The following DSG3 variants were observed in gnomAD, a reference collection of about 807,000 sequenced individuals.
DSG3 encodes desmoglein-3.
A neutral mutation model predicts 85.9 loss-of-function variants in DSG3; 63 were observed. That is an observed-to-expected ratio of 0.73 (90% confidence interval 0.60 to 0.90). The LOEUF is 0.90. Ranked by LOEUF, DSG3 falls within the 40% of genes least tolerant of loss-of-function variation. The pLI is 0.00. For missense variants in DSG3, 1,220 were observed against 1,219.9 expected, an observed-to-expected ratio of 1.00 and a Z score of 0.00; for synonymous variants, 447 against 441.9, an observed-to-expected ratio of 1.01 and a Z score of -0.14.
intron 1 of DSG3, among the ~76,000 whole-genome samples, chr18:31,448,655 CAAA>C (rs56245514): frequency 4.6e-5 from 6 of 131,332 alleles, no homozygotes; most frequent in African/African-American, 8.2e-5. Context: ...GTTCTTATAG[CAAA>C]AAAAAAAAAA....
chr18:31,473,648 A>G (rs1163259671), intron 14 of DSG3, among the ~76,000 whole-genome samples: 1 of 152,250 alleles, frequency 6.6e-6, no homozygotes, highest in African/African-American at 2.4e-5. Context: ...CATAATGTCA[A>G]GGTAACAGGC....
chr18:31,466,813 A>G, intron 11 of DSG3, 59 bp downstream of exon 11: 1 of 1,461,092 alleles, frequency 6.8e-7, no homozygotes, highest in Non-Finnish European at 9.5e-7. Flanking sequence ...TTTCCAGAAG[A>G]ATAAGGAAGA....
At chr18:31,470,267 C>T (rs1456840213) in intron 12 of DSG3, among the ~76,000 whole-genome samples, 1 of 151,974 alleles carries the variant, frequency 6.6e-6, no homozygotes, top group African/African-American at 2.4e-5. Context: ...AATTTTAAAA[C>T]CACAAAAAGT....
rs752815998 is a variant in DSG3 at position 31,458,562 on chromosome 18, A to C, written c.334A>C (p.Thr112Pro). 6.2e-7 allele frequency: 1 copy of C among 1,613,944 alleles called. No homozygotes were observed. The highest frequency in any genetic ancestry group is 8.5e-7 in the Non-Finnish European group (1 of 1,179,964). The stretch of plus-strand genomic sequence containing the variant: ...CAAAAACACTGGAGATATTAACATA[A>C]CAGCTATAGTCGACCGGGAGGAAAC... ...VDKNTGDINI[T>P]AIVDREETPS... is the part of the protein sequence containing the mutation. The change falls in exon 4 of 16, where the codon ACA becomes CCA. Residue 112 changes from threonine to proline, a missense_variant. By Grantham distance (38) the Thr-to-Pro change is conservative. Coordinates refer to ENST00000257189, the MANE Select transcript of DSG3 (RefSeq NM_001944.3).
chr18:31,459,092 G>T lies in DSG3; in HGVS notation c.432G>T (p.Thr144=). 5 of 1,613,438 alleles carry T rather than the reference G, an allele frequency of 3.1e-6. No homozygotes were observed. Among genetic ancestry groups the T allele is most frequent in the Non-Finnish European group, 4.2e-6 (5 of 1,179,864 alleles). The change falls in exon 5 of 16, where the codon ACG becomes ACT. Residue 144 remains threonine (T), a synonymous_variant. Coordinates refer to ENST00000257189, the MANE Select transcript of DSG3 (RefSeq NM_001944.3). The part of the protein sequence containing the change: ...GLDVEKPLIL[T]VKILDINDNP... ...ATGTAGAGAAACCACTTATACTAAC[G>T]GTTAAAATTTTGGATATTAATGATA...
At chr18:31,464,689 T>C (rs1353973014) in intron 9 of DSG3, among the ~76,000 whole-genome samples, 4 of 152,194 alleles carry the variant, frequency 2.6e-5, no homozygotes, top group African/African-American at 9.7e-5. Flanking sequence ...GGAGTAGAAG[T>C]GCACCATGAG....
At chr18:31,453,930 T>A (rs560797402) in intron 1 of DSG3, among the ~76,000 whole-genome samples, 32 of 152,126 alleles carry the variant, frequency 2.1e-4, no homozygotes, top group African/African-American at 7.7e-4. Context: ...TGAAAATAGA[T>A]TTACAAATAA....
At chr18:31,473,213 CATCCTTG>C (rs2072866510) in intron 14 of DSG3, among the ~76,000 whole-genome samples, 1 of 152,184 alleles carries the variant, frequency 6.6e-6, no homozygotes, top group Non-Finnish European at 1.5e-5. Flanking sequence ...CTCATGTGCA[CATCCTTG>C]ATCCTGTTCC....
Position 31,466,567 on chromosome 18 carries a change from TAG to T in DSG3, c.1452_1453del (p.Arg484SerfsTer6), listed in dbSNP as rs776186962. On this transcript the variant is annotated frameshift_variant, in exon 11 of 16. Coordinates refer to ENST00000257189, the MANE Select transcript of DSG3 (RefSeq NM_001944.3). LOFTEE classifies it high-confidence loss of function. ...AAACTTCTACAGGCACGGTATATGT[TAG>T]AGTACCCGATTTCAATGACAATTGT... ...GKTSTGTVYV[R>X]VPDFNDNCPT... The T allele has an allele frequency of 6.2e-7, 1 of 1,613,884 alleles. No homozygotes were observed. Among genetic ancestry groups the T allele is most frequent in the Non-Finnish European group, 8.5e-7 (1 of 1,179,732 alleles).
At chr18:31,454,547 T>C (rs2072730050) in intron 1 of DSG3, among the ~76,000 whole-genome samples, 1 of 152,226 alleles carries the variant, frequency 6.6e-6, no homozygotes. Flanking sequence ...GGTTCAGACT[T>C]GGACTAGTCT....
At chr18:31,457,423 G>C (rs1004203686) in intron 3 of DSG3, among the ~76,000 whole-genome samples, 2 of 152,154 alleles carry the variant, frequency 1.3e-5, no homozygotes, top group Non-Finnish European at 2.9e-5. Flanking sequence ...AATAATGCAT[G>C]TATAAGACAG....
At chr18:31,471,775 G>T (rs2072857033) in intron 12 of DSG3, among the ~76,000 whole-genome samples, 1 of 152,092 alleles carries the variant, frequency 6.6e-6, no homozygotes, top group East Asian at 1.9e-4. Context: ...CATTGATTAG[G>T]CTATCACCCT....
intron 8 of DSG3, among the ~76,000 whole-genome samples, chr18:31,461,879 A>G (rs1379987105): frequency 6.6e-6 from 1 of 152,228 alleles, no homozygotes; most frequent in African/African-American, 2.4e-5. Context: ...TTCCTACAAA[A>G]TGGGAATTTA....
At chr18:31,466,869 G>A (rs2072824324) in intron 11 of DSG3, 115 bp downstream of exon 11, 1 of 858,008 alleles carries the variant, frequency 1.2e-6, no homozygotes, top group South Asian at 1.7e-5. Flanking sequence ...AAAATTCTTT[G>A]CAATGAAGAT....
intron 1 of DSG3, among the ~76,000 whole-genome samples, chr18:31,448,664 A>AAAG (rs531421143): frequency 2.2e-4 from 34 of 152,162 alleles, no homozygotes; most frequent in South Asian, 6.2e-4. Context: ...GCAAAAAAAA[A>AAAG]AAAAGAAAAG....
chr18:31,474,365 G>A lies in DSG3; in HGVS notation c.2346G>A (p.Gly782=), dbSNP rs775849949. The A allele has an allele frequency of 3.7e-6, 6 of 1,610,332 alleles. No homozygotes were observed. Among genetic ancestry groups the A allele is most frequent in the Admixed American group, 1.7e-5 (1 of 59,668 alleles). ...TGGTNKDYAD[G]AISMNFLDSY... The stretch of plus-strand genomic sequence containing the variant: ...GAACCAATAAGGACTACGCTGATGG[G>A]GCGATAAGCATGAATTTTCTGGACT... The change falls in exon 15 of 16, where the codon GGG becomes GGA. Residue 782 remains glycine (G), a synonymous_variant. Transcript: ENST00000257189.
At chr18:31,466,046 C>A (rs1228981097) in intron 10 of DSG3, among the ~76,000 whole-genome samples, 1 of 151,998 alleles carries the variant, frequency 6.6e-6, no homozygotes, top group Non-Finnish European at 1.5e-5. Context: ...ATAATGCCCC[C>A]ACAGAGAGAT....
Position 31,448,004 on chromosome 18 carries a change from A to G in DSG3, c.48+79A>G, listed in dbSNP as rs79962591. On this transcript the variant is annotated intron_variant, in intron 1 of 15. Transcript: ENST00000257189. ...AAAGAATATTATATTTGATTGCACAATCTTTATTATAAATTCTAAAAGGAG... is the reference window on the plus strand; with the variant it reads ...AAAGAATATTATATTTGATTGCACAGTCTTTATTATAAATTCTAAAAGGAG... The G allele has an allele frequency of 1.5e-3, 1,623 of 1,095,398 alleles. 18 individuals carry two copies. The African/African-American group carries it at 0.024, about 16-fold the overall frequency. 67.9% of individuals were successfully genotyped at this position (1,095,398 alleles called of 1,614,324 possible).
Position 31,460,060 on chromosome 18 carries a change from T to C in DSG3, c.684+49T>C, listed in dbSNP as rs753105294. ...CATTCAAGATTAAAGGGTTTGATTA[T>C]AAGAAAACCAAGAGAGGTGACTCCA... On this transcript the variant is annotated intron_variant, in intron 6 of 15. Transcript: ENST00000257189. 2.6e-6 allele frequency: 4 copies of C among 1,545,582 alleles called. No homozygotes were observed. The East Asian group carries it at 6.8e-5, about 26-fold the overall frequency.
Sources: allele counts gnomAD v4.1 joint callset (sites outside exome capture counted in the v4.1 genomes callset), GRCh38; gene constraint gnomAD v4.1.1; transcripts MANE v1.5; gene names NCBI Gene and HGNC (gene_info 2026-07-23, HGNC 2026-07-21).